The following ROBO1 variants were observed in gnomAD, a reference collection of about 807,000 sequenced individuals.
The protein encoded by ROBO1 is roundabout guidance receptor 1.
A neutral mutation model predicts 195.9 loss-of-function variants in ROBO1; 149 were observed. The ratio of observed to expected loss-of-function variants is 0.76; its 90% CI spans 0.67 to 0.87. The LOEUF is 0.87. Among genes scored for constraint, ROBO1 ranks in the 40% least tolerant of loss-of-function variants. The pLI is 0.00. For synonymous variants in ROBO1, 816 were observed against 733.2 expected, an observed-to-expected ratio of 1.11 and a Z score of -1.82; for missense variants, 1,933 against 2,068.3, an observed-to-expected ratio of 0.93 and a Z score of 1.27.
chr3:79,225,966 C>G (rs1184726342), intron 2 of ROBO1, among the ~76,000 whole-genome samples: 1 of 152,136 alleles, frequency 6.6e-6, no homozygotes, highest in Non-Finnish European at 1.5e-5. Context: ...CTCTCAGTCA[C>G]ATTAGCATTG....
At chr3:79,134,882 C>G (rs1162432800) in intron 2 of ROBO1, among the ~76,000 whole-genome samples, 1 of 112,198 alleles carries the variant, frequency 8.9e-6, no homozygotes. Context: ...ACTCTGGGGA[C>G]TGTGGTGGGG....
intron 2 of ROBO1, among the ~76,000 whole-genome samples, chr3:79,235,688 C>T (rs1224694467): frequency 6.6e-6 from 1 of 152,068 alleles, no homozygotes; most frequent in Non-Finnish European, 1.5e-5. Context: ...TTTCCTTTTC[C>T]CACCAATCAT....
In ROBO1 at chr3:78,877,590, C is replaced by T. The variant is rs941955347; in HGVS notation, c.499+61011G>A. On this transcript the variant is annotated intron_variant, in intron 4 of 30. Coordinates refer to ENST00000464233, the MANE Select transcript of ROBO1 (RefSeq NM_002941.4). ...ATTTTAAAAAATAGCACAGGTCTAA[C>T]TTTTAAAATAGTTTAAAGTAATGTG... Among the ~76,000 whole-genome samples the T allele has an allele frequency of 2.0e-5, 3 of 152,086 alleles. No homozygotes were observed. In the South Asian group the frequency reaches 6.2e-4, roughly 32 times the overall value.
intron 2 of ROBO1, among the ~76,000 whole-genome samples, chr3:79,423,769 C>G (rs547747805): frequency 6.6e-6 from 1 of 152,022 alleles, no homozygotes; most frequent in African/African-American, 2.4e-5. Context: ...GTAGTTTTTG[C>G]GGAAATCCAC....
intron 3 of ROBO1, among the ~76,000 whole-genome samples, chr3:79,014,682 G>A (rs1374883): frequency 0.96 from 146,352 of 152,218 alleles, 70,515 homozygotes; most frequent in East Asian, 1. Context: ...TTTCTTTCCT[G>A]TAGTCTATAG....
At chr3:79,264,497 A>T (rs1020883759) in intron 2 of ROBO1, among the ~76,000 whole-genome samples, 2 of 151,818 alleles carry the variant, frequency 1.3e-5, no homozygotes, top group South Asian at 2.1e-4. Context: ...TTAACATTTT[A>T]TCTGGCTCTT....
intron 2 of ROBO1, among the ~76,000 whole-genome samples, chr3:79,572,513 T>G (rs900832003): frequency 6.6e-6 from 1 of 152,070 alleles, no homozygotes; most frequent in African/African-American, 2.4e-5. Context: ...GTATTGTCCA[T>G]TTATAAAATT....
chr3:78,716,824 T>C (rs1329798874), intron 7 of ROBO1, among the ~76,000 whole-genome samples: 3 of 152,118 alleles, frequency 2.0e-5, no homozygotes, highest in Admixed American at 1.3e-4. Context: ...CTGGCCAATT[T>C]AAGGACTTGA....
At chr3:78,804,151 T>C (rs1385415044) in intron 4 of ROBO1, among the ~76,000 whole-genome samples, 2 of 152,210 alleles carry the variant, frequency 1.3e-5, no homozygotes, top group Non-Finnish European at 2.9e-5. Flanking sequence ...ATAGCATTAA[T>C]ATATCTTTCC....
intron 4 of ROBO1, among the ~76,000 whole-genome samples, chr3:78,927,004 CT>C (rs1192024594): frequency 6.6e-6 from 1 of 151,986 alleles, no homozygotes; most frequent in Non-Finnish European, 1.5e-5. Context: ...AAAAGGTCAA[CT>C]ATGTCAATTG....
At chr3:78,929,048 T>C (rs1349079785) in intron 4 of ROBO1, among the ~76,000 whole-genome samples, 1 of 152,164 alleles carries the variant, frequency 6.6e-6, no homozygotes, top group African/African-American at 2.4e-5. Flanking sequence ...ATTTGCTCCA[T>C]AATTTACTGG....
chr3:79,240,969 A>G (rs968685484), intron 2 of ROBO1, among the ~76,000 whole-genome samples: 7 of 152,288 alleles, frequency 4.6e-5, no homozygotes, highest in Admixed American at 1.3e-4. Context: ...AAAATATAGT[A>G]AAATTTTTAT....
chr3:78,786,311 C>T (rs2083832741), intron 4 of ROBO1, among the ~76,000 whole-genome samples: 1 of 152,058 alleles, frequency 6.6e-6, no homozygotes, highest in African/African-American at 2.4e-5. Flanking sequence ...TCAGAAAATA[C>T]ATTTATGGAA....
Position 79,730,768 on chromosome 3 carries a change from C to CTTT in ROBO1, c.-51+36981_-51+36983dup, listed in dbSNP as rs66527491. Among the ~76,000 whole-genome samples the CTTT allele has an allele frequency of 2.2e-4, 21 of 95,520 alleles. 1 individual carries two copies. Among genetic ancestry groups the CTTT allele is most frequent in the African/African-American group, 5.0e-4 (13 of 25,802 alleles). 62.7% of individuals were successfully genotyped at this position (95,520 alleles called of 152,430 possible). On this transcript the variant is annotated intron_variant, in intron 1 of 30. Transcript: ENST00000464233. ...TGAAAATGTCTGTTTCCTGTATTTC[C>CTTT]TTTTTTTTTTTTTTTTTTTTTTTTT...
At chr3:78,915,437 A>T (rs2038500197) in intron 4 of ROBO1, among the ~76,000 whole-genome samples, 1 of 152,208 alleles carries the variant, frequency 6.6e-6, no homozygotes, top group South Asian at 2.1e-4. Flanking sequence ...TTACTTCCAA[A>T]TGAAATCATA....
rs149532246 is a variant in ROBO1 at position 79,314,675 on chromosome 3, C to A, written c.89-189136G>T. Among the ~76,000 whole-genome samples, 1,356 of 152,288 alleles carry A rather than the reference C, an allele frequency of 8.9e-3. 18 individuals carry two copies. Among genetic ancestry groups the A allele is most frequent in the African/African-American group, 0.031 (1,282 of 41,548 alleles). On this transcript the variant is annotated intron_variant, in intron 2 of 30. Coordinates refer to ENST00000464233, the MANE Select transcript of ROBO1 (RefSeq NM_002941.4). Reference sequence around the variant, plus strand: ...ATTCTTTCCACAAATACTCACTGTGCAACATGAGTTGTTATGTTCTCTTCG... The same window carrying A: ...ATTCTTTCCACAAATACTCACTGTGAAACATGAGTTGTTATGTTCTCTTCG...
chr3:79,625,713 T>C (rs1323804673), intron 1 of ROBO1, among the ~76,000 whole-genome samples: 2 of 151,954 alleles, frequency 1.3e-5, no homozygotes, highest in Non-Finnish European at 2.9e-5. Context: ...AAGGCAGTAA[T>C]TAAAAGCCTA....
intron 2 of ROBO1, among the ~76,000 whole-genome samples, chr3:79,199,014 C>A (rs919120725): frequency 2.0e-5 from 3 of 152,050 alleles, no homozygotes; most frequent in South Asian, 2.1e-4. Context: ...ATTGAATACC[C>A]TTTATTTATT....
At chr3:78,730,779 CATAA>C (rs1348962761) in intron 5 of ROBO1, among the ~76,000 whole-genome samples, 1 of 152,104 alleles carries the variant, frequency 6.6e-6, no homozygotes, top group Admixed American at 6.5e-5. Context: ...ACGTTCAAAA[CATAA>C]ATAAATCCCA....
Sources: allele counts gnomAD v4.1 joint callset (sites outside exome capture counted in the v4.1 genomes callset), GRCh38; gene constraint gnomAD v4.1.1; transcripts MANE v1.5; gene names NCBI Gene and HGNC (gene_info 2026-07-23, HGNC 2026-07-21).